MAD1L1: variants seen among roughly 807,000 people sequenced by gnomAD.
The protein encoded by MAD1L1 is mitotic arrest deficient 1 like 1.
Under a neutral mutation model 96.9 loss-of-function variants are expected in MAD1L1, and 95 were observed. That is an observed-to-expected ratio of 0.98 (90% CI 0.83 to 1.16). MAD1L1 has a LOEUF of 1.16. Ranked by LOEUF, MAD1L1 falls within the 50% of genes most tolerant of loss-of-function variation. The pLI is 0.00. For synonymous variants in MAD1L1, 473 were observed against 396.6 expected, an observed-to-expected ratio of 1.19 and a Z score of -2.29; for missense variants, 1,007 against 954.4, an observed-to-expected ratio of 1.06 and a Z score of -0.73.
intron 10 of MAD1L1, among the ~76,000 whole-genome samples, chr7:2,161,997 G>T (rs1464579701): frequency 2.1e-5 from 3 of 144,636 alleles, no homozygotes; most frequent in African/African-American, 2.6e-5. Flanking sequence ...GCCCATCCGG[G>T]AGGTGGGGGG....
intron 18 of MAD1L1, among the ~76,000 whole-genome samples, chr7:1,887,927 G>A (rs1228951946): frequency 6.6e-6 from 1 of 150,922 alleles, no homozygotes; most frequent in African/African-American, 2.4e-5. Context: ...GGCTGCGGCT[G>A]CCTGTGCACG....
chr7:2,115,164 G>A (rs1029357110), intron 11 of MAD1L1, among the ~76,000 whole-genome samples: 2 of 152,250 alleles, frequency 1.3e-5, no homozygotes, highest in African/African-American at 4.8e-5. Context: ...ATGAGGCCAC[G>A]TTCACACCAC....
At chr7:2,047,849 TCA>T (rs1341229403) in intron 12 of MAD1L1, among the ~76,000 whole-genome samples, 5 of 151,776 alleles carry the variant, frequency 3.3e-5, no homozygotes, top group African/African-American at 7.3e-5. Flanking sequence ...ACATGCACAA[TCA>T]CACACGTGCA....
intron 11 of MAD1L1, among the ~76,000 whole-genome samples, chr7:2,145,711 C>T (rs1033806304): frequency 1.3e-5 from 2 of 152,174 alleles, no homozygotes; most frequent in African/African-American, 4.8e-5. Context: ...GACATCAGAC[C>T]CTCCCTGGGC....
intron 11 of MAD1L1, among the ~76,000 whole-genome samples, chr7:2,145,658 C>T (rs1398253103): frequency 2.0e-5 from 3 of 152,192 alleles, no homozygotes; most frequent in Non-Finnish European, 4.4e-5. Flanking sequence ...CATCTGCTCA[C>T]TGCGGGATGA....
chr7:1,942,239 C>G (rs1044178265), intron 16 of MAD1L1, among the ~76,000 whole-genome samples: 1 of 152,168 alleles, frequency 6.6e-6, no homozygotes. Context: ...CCTGGGCCAA[C>G]ACTCAGCAAG....
rs775210892 is a variant in MAD1L1, at chr7:2,069,334, G to C, written c.1078C>G (p.Arg360Gly). ...TGCTGCCTGGCCTTCTCCAGCCCCC[G>C]GGCGCTGCATGGGAGAGACAAGAGG... is the stretch of plus-strand genomic sequence containing the variant. ...DKNSAVTSSA[R>G]GLEKARQQLQ... The change falls in exon 12 of 19, where the codon CGG (arginine) becomes GGG (glycine). Residue 360 changes from arginine (R) to glycine (G), a missense_variant. Transcript: ENST00000265854. The C allele has an allele frequency of 1.3e-6, 2 of 1,595,536 alleles. No homozygotes were observed. Among genetic ancestry groups the C allele is most frequent in the Non-Finnish European group, 1.7e-6 (2 of 1,174,632 alleles).
At chr7:2,038,672 C>T (rs1485603261) in intron 12 of MAD1L1, among the ~76,000 whole-genome samples, 3 of 151,864 alleles carry the variant, frequency 2.0e-5, no homozygotes, top group Non-Finnish European at 2.9e-5. Context: ...GCCACCACGC[C>T]TCACTAATTT....
intron 17 of MAD1L1, among the ~76,000 whole-genome samples, chr7:1,931,016 G>A (rs572630131): frequency 8.6e-5 from 13 of 151,166 alleles, no homozygotes; most frequent in East Asian, 5.9e-4. Context: ...AGGGCGCGTC[G>A]TGGGGTCCAC....
Position 2,183,837 on chromosome 7 carries a change from G to A in MAD1L1, c.986+29375C>T, listed in dbSNP as rs1791322906. The stretch of plus-strand genomic sequence containing the variant: ...TTAATCGGTGCAGCACACCAACATG[G>A]CACATGTATACATATGTAACAAACC... On this transcript the variant is annotated intron_variant, in intron 10 of 18. Transcript: ENST00000265854. Among the ~76,000 whole-genome samples the A allele has an allele frequency of 4.0e-5, 6 of 151,834 alleles. No homozygotes were observed. The South Asian group carries it at 1.2e-3, about 32-fold the overall frequency.
intron 10 of MAD1L1, among the ~76,000 whole-genome samples, chr7:2,152,304 T>C (rs1789616810): frequency 6.6e-6 from 1 of 152,202 alleles, no homozygotes; most frequent in African/African-American, 2.4e-5. Flanking sequence ...GGGCTTGCTA[T>C]TCCAGAGCCC....
intron 10 of MAD1L1, among the ~76,000 whole-genome samples, chr7:2,181,421 C>T (rs1043848521): frequency 4.6e-5 from 7 of 152,198 alleles, no homozygotes; most frequent in African/African-American, 1.7e-4. Context: ...TTAAAAAGCA[C>T]ATAAGATTTA....
chr7:2,137,854 G>A (rs1438969527), intron 11 of MAD1L1, among the ~76,000 whole-genome samples: 2 of 152,206 alleles, frequency 1.3e-5, no homozygotes, highest in African/African-American at 4.8e-5. Flanking sequence ...GGAGGTGGAC[G>A]TATGGGGCAA....
At chr7:2,186,883 T>C (rs1024751337) in intron 10 of MAD1L1, among the ~76,000 whole-genome samples, 1 of 150,980 alleles carries the variant, frequency 6.6e-6, no homozygotes, top group Non-Finnish European at 1.5e-5. Flanking sequence ...AAGCTCCACC[T>C]ACCAGGTTCA....
chr7:2,088,724 C>G lies in MAD1L1; in HGVS notation c.1074-19386G>C, dbSNP rs765483030. Reference sequence around the variant, plus strand: ...AAGGACACCGACGGAGCCGGGCCATCTCTCAAGTACAACCTAGACGCCCTC... The same window carrying G: ...AAGGACACCGACGGAGCCGGGCCATGTCTCAAGTACAACCTAGACGCCCTC... On this transcript the variant is annotated intron_variant, in intron 11 of 18. Transcript: ENST00000265854. The surrounding 1 kb of genome is among the most constrained non-coding windows in gnomAD (Gnocchi z 4.4). 1 of 152,410 alleles carries G rather than the reference C, an allele frequency of 6.6e-6. No individual in the cohort carries two copies. Among genetic ancestry groups the G allele is most frequent in the Non-Finnish European group, 1.5e-5 (1 of 68,174 alleles). The allele number at this position is 152,410 out of a possible 1,614,324, so 9.4% of individuals were successfully genotyped here. A position where few individuals can be genotyped will look rare whatever the true frequency, so the allele number is the denominator to read the frequency against.
chr7:2,191,261 G>C (rs1353051321), intron 10 of MAD1L1, among the ~76,000 whole-genome samples: 2 of 152,096 alleles, frequency 1.3e-5, no homozygotes, highest in African/African-American at 2.4e-5. Flanking sequence ...CTGGGAGCCT[G>C]TTACCTCCAC....
chr7:1,834,743 A>T (rs1004522821), intron 18 of MAD1L1, among the ~76,000 whole-genome samples: 1 of 152,152 alleles, frequency 6.6e-6, no homozygotes, highest in Admixed American at 6.5e-5. Context: ...AGTTTGTTTT[A>T]ATCAAGAATT....
chr7:2,106,532 C>T (rs1584335902), intron 11 of MAD1L1, among the ~76,000 whole-genome samples: 1 of 152,152 alleles, frequency 6.6e-6, no homozygotes, highest in South Asian at 2.1e-4. Flanking sequence ...AAGGAGGACA[C>T]GTGAGCTCCA....
chr7:2,213,434 C>A (rs1440764492), intron 9 of MAD1L1, among the ~76,000 whole-genome samples, 161 bp from the exon 10 acceptor site: 1 of 152,202 alleles, frequency 6.6e-6, no homozygotes, highest in Admixed American at 6.5e-5. Context: ...TTGGAAGTGG[C>A]CGGGTTATTA....
Sources: allele counts gnomAD v4.1 joint callset (sites outside exome capture counted in the v4.1 genomes callset), GRCh38; gene constraint gnomAD v4.1.1; non-coding constraint Gnocchi (gnomAD v3.1); transcripts MANE v1.5; gene names NCBI Gene and HGNC (gene_info 2026-07-23, HGNC 2026-07-21).